The following RSU1 variants were observed in gnomAD, a reference collection of about 807,000 sequenced individuals.
RSU1 encodes the protein rsu-1.
Under a neutral mutation model 31.1 loss-of-function variants are expected in RSU1, and 26 were observed. The observed-to-expected ratio is 0.84, with a 90% CI of 0.61 to 1.16. RSU1 has a LOEUF of 1.16. Ranked by LOEUF, RSU1 falls within the 50% of genes most tolerant of loss-of-function variation. The pLI is 0.00. For synonymous variants in RSU1, 164 were observed against 136.3 expected (o/e 1.20, Z -1.41); for missense variants, 320 against 339.1 (o/e 0.94, Z 0.44).
rs1469140794 is a variant in RSU1, at chr10:16,783,502, C to A, written c.110-1418G>T. On this transcript the variant is annotated intron_variant, in intron 2 of 8. Coordinates refer to ENST00000345264, the MANE Select transcript of RSU1 (RefSeq NM_012425.4). ...TCCACAGTAGCTAGGACTACAGGTG[C>A]GTGCCACCACGCCCAGCTAATTTGT... 2.0e-5 allele frequency among the ~76,000 whole-genome samples: 3 copies of A among 152,050 alleles called. No homozygotes were observed. The East Asian group carries it at 5.8e-4, about 30-fold the overall frequency.
chr10:16,783,936 T>C lies in RSU1; in HGVS notation c.110-1852A>G, dbSNP rs114911646. 8.8e-3 allele frequency among the ~76,000 whole-genome samples: 1,343 copies of C among 152,234 alleles called. 15 individuals carry two copies. The highest frequency in any genetic ancestry group is 0.03 in the African/African-American group (1,255 of 41,524). On this transcript the variant is annotated intron_variant, in intron 2 of 8. Transcript: ENST00000345264. ...CCAATCATTTATTTTAGGGAAGAAA[T>C]AGGATCTGGTTGAGAATTCACGCTG...
chr10:16,795,224 G>A (rs1838004137), intron 2 of RSU1, among the ~76,000 whole-genome samples: 1 of 151,704 alleles, frequency 6.6e-6, no homozygotes. Flanking sequence ...TGTGATGGTG[G>A]GTGCCTGTAA....
chr10:16,697,424 A>T (rs1290647031), intron 7 of RSU1, among the ~76,000 whole-genome samples: 2 of 152,214 alleles, frequency 1.3e-5, no homozygotes, highest in Admixed American at 6.5e-5. Context: ...TGGGAGGCCA[A>T]GGCGGGTGGA....
intron 7 of RSU1, among the ~76,000 whole-genome samples, chr10:16,725,449 G>C (rs1455960315): frequency 4.6e-5 from 7 of 152,152 alleles, no homozygotes; most frequent in South Asian, 2.1e-4. Flanking sequence ...GAATGCTTCT[G>C]TTCCCTCTAC....
At chr10:16,774,474 G>A (rs1837488482) in intron 3 of RSU1, among the ~76,000 whole-genome samples, 6 of 152,162 alleles carry the variant, frequency 3.9e-5, no homozygotes. Flanking sequence ...GGAGGCTGAG[G>A]CAGAAGAATC....
chr10:16,712,612 C>T (rs1467140045), intron 7 of RSU1, among the ~76,000 whole-genome samples: 2 of 152,028 alleles, frequency 1.3e-5, no homozygotes, highest in Admixed American at 6.6e-5. Flanking sequence ...AGACTTAACC[C>T]CATACACAAT....
intron 8 of RSU1, among the ~76,000 whole-genome samples, chr10:16,652,392 C>CAA (rs71505091): frequency 0.25 from 22,656 of 88,906 alleles, 2,656 homozygotes; most frequent in Non-Finnish European, 0.29. Flanking sequence ...TGCCCCAAAG[C>CAA]AAAAAAAAAA....
At chr10:16,753,071 G>C (rs1439338818) in intron 5 of RSU1, 71 bp from the exon 6 acceptor site, 17 of 1,192,560 alleles carry the variant, frequency 1.4e-5, no homozygotes, top group Admixed American at 1.8e-5. Context: ...ATCAATACGA[G>C]GGAGTCAGCT....
intron 8 of RSU1, among the ~76,000 whole-genome samples, chr10:16,682,796 T>C (rs1017696583): frequency 7.9e-5 from 12 of 152,158 alleles, no homozygotes; most frequent in Admixed American, 4.6e-4. Flanking sequence ...CAAGAGCCAT[T>C]ACACAGGACC....
At chr10:16,596,635 T>C (rs943665292) in intron 8 of RSU1, among the ~76,000 whole-genome samples, 7 of 152,206 alleles carry the variant, frequency 4.6e-5, no homozygotes, top group South Asian at 2.1e-4. Context: ...TCAGAGATCT[T>C]TCCTCTGTTT....
At chr10:16,747,355 C>T (rs956377591) in intron 7 of RSU1, among the ~76,000 whole-genome samples, 1 of 152,206 alleles carries the variant, frequency 6.6e-6, no homozygotes, top group African/African-American at 2.4e-5. Context: ...CTATCGCCTT[C>T]TCAATGAGAC....
chr10:16,788,331 A>T (rs7078875), intron 2 of RSU1, among the ~76,000 whole-genome samples: 47,221 of 152,052 alleles, frequency 0.31, 8,643 homozygotes, highest in African/African-American at 0.52. Flanking sequence ...TCCCCAAAAA[A>T]TTCATATACG....
chr10:16,728,559 T>TTAC (rs929400408), intron 7 of RSU1, among the ~76,000 whole-genome samples: 1 of 152,182 alleles, frequency 6.6e-6, no homozygotes, highest in African/African-American at 2.4e-5. Flanking sequence ...CATAGGTGTG[T>TTAC]TACTATGTGT....
chr10:16,808,432 G>T (rs149157000), intron 2 of RSU1, among the ~76,000 whole-genome samples: 5 of 148,504 alleles, frequency 3.4e-5, no homozygotes, highest in Admixed American at 2.7e-4. Context: ...TGCAGTGACC[G>T]TGATCATGCC....
intron 7 of RSU1, among the ~76,000 whole-genome samples, chr10:16,723,712 C>T (rs1836327904): frequency 6.6e-6 from 1 of 152,080 alleles, no homozygotes; most frequent in Admixed American, 6.6e-5. Context: ...AGGGCTAACA[C>T]AGGACAGTGG....
chr10:16,714,536 G>A (rs935160363), intron 7 of RSU1, among the ~76,000 whole-genome samples: 9 of 152,270 alleles, frequency 5.9e-5, no homozygotes, highest in Middle Eastern at 3.4e-3. Context: ...GTGCAGGTAC[G>A]TGCAGGAGAG....
chr10:16,728,926 T>G (rs868077665), intron 7 of RSU1, among the ~76,000 whole-genome samples: 5 of 152,226 alleles, frequency 3.3e-5, no homozygotes, highest in African/African-American at 4.8e-5. Flanking sequence ...GGGTGACATG[T>G]GGAGTCTAAT....
intron 8 of RSU1, among the ~76,000 whole-genome samples, chr10:16,689,957 C>A (rs1461821449): frequency 6.6e-6 from 1 of 152,238 alleles, no homozygotes; most frequent in Non-Finnish European, 1.5e-5. Context: ...TCAAGGGAAG[C>A]ATTTCCAGCC....
At chr10:16,745,828 C>T (rs1270870410) in intron 7 of RSU1, among the ~76,000 whole-genome samples, 2 of 152,142 alleles carry the variant, frequency 1.3e-5, no homozygotes, top group African/African-American at 4.8e-5. Flanking sequence ...TAACCTCTAT[C>T]CTCTACTGTT....
Sources: gnomAD v4.1 joint callset for allele counts (sites outside exome capture counted in the v4.1 genomes callset) on GRCh38, gnomAD v4.1.1 for gene constraint, MANE v1.5 for transcripts, NCBI Gene and HGNC (gene_info 2026-07-23, HGNC 2026-07-21) for gene names.